GPC5: variants seen among roughly 807,000 people sequenced by gnomAD.
GPC5 encodes glypican 5.
In GPC5, 47 loss-of-function variants were observed where a neutral mutation model predicts 53.9. That is an observed-to-expected ratio of 0.87 (90% CI 0.69 to 1.11). The LOEUF (loss-of-function observed/expected upper bound fraction) is 1.11, where lower values mean the gene tolerates loss of function less well. GPC5 is among the 50% of genes most tolerant of loss of function. The probability of loss-of-function intolerance (pLI) is 0.00; values close to 1 mark genes in which losing one functional copy is unlikely to be tolerated. For synonymous variants in GPC5, 286 were observed against 263.3 expected (o/e 1.09, Z -0.84); for missense variants, 748 against 713.1 (o/e 1.05, Z -0.56).
At chr13:92,586,122 G>A (rs1249463163) in intron 7 of GPC5, among the ~76,000 whole-genome samples, 2 of 152,138 alleles carry the variant, frequency 1.3e-5, no homozygotes, top group Admixed American at 6.6e-5. Context: ...CTGTAGTGAC[G>A]GATTAGTCGT....
intron 6 of GPC5, among the ~76,000 whole-genome samples, chr13:92,059,265 C>A (rs988902965): frequency 1.3e-5 from 2 of 151,072 alleles, no homozygotes; most frequent in African/African-American, 2.5e-5. Flanking sequence ...AGGGTAATTA[C>A]CCATTATATA....
chr13:92,670,100 A>T (rs1886697313), intron 7 of GPC5, among the ~76,000 whole-genome samples: 1 of 152,078 alleles, frequency 6.6e-6, no homozygotes, highest in Non-Finnish European at 1.5e-5. Context: ...TATGGCTGGA[A>T]CTCACTGAAT....
intron 7 of GPC5, among the ~76,000 whole-genome samples, chr13:92,405,491 C>G (rs1048487684): frequency 1.3e-5 from 2 of 152,158 alleles, no homozygotes; most frequent in Non-Finnish European, 2.9e-5. Flanking sequence ...TGTATAGAAC[C>G]TATTTTTAAT....
intron 2 of GPC5, among the ~76,000 whole-genome samples, chr13:91,449,775 G>A (rs1478040622): frequency 1.3e-5 from 2 of 151,966 alleles, no homozygotes; most frequent in Non-Finnish European, 1.5e-5. Context: ...AATACATGAT[G>A]TTTTTCTTAT....
chr13:92,214,380 A>C (rs1201641073), intron 7 of GPC5, among the ~76,000 whole-genome samples: 2 of 152,278 alleles, frequency 1.3e-5, no homozygotes, highest in Non-Finnish European at 2.9e-5. Context: ...AACATTATTG[A>C]AGTGTCCACC....
chr13:91,907,849 A>C, intron 5 of GPC5, 88 bp from the exon 6 acceptor site: 1 of 1,387,138 alleles, frequency 7.2e-7, no homozygotes, highest in Non-Finnish European at 9.9e-7. Flanking sequence ...TAAAGGAGGA[A>C]ATTCCGACCT....
At chr13:92,349,572 G>T (rs958839028) in intron 7 of GPC5, among the ~76,000 whole-genome samples, 1 of 151,354 alleles carries the variant, frequency 6.6e-6, no homozygotes, top group Non-Finnish European at 1.5e-5. Context: ...AGAGACATTA[G>T]AACTGATACC....
chr13:92,713,250 G>C (rs1888203324), intron 7 of GPC5, among the ~76,000 whole-genome samples: 1 of 151,936 alleles, frequency 6.6e-6, no homozygotes, highest in Non-Finnish European at 1.5e-5. Flanking sequence ...AAAGACTGAA[G>C]GGACATTTCA....
At chr13:92,571,280 A>G (rs1883013957) in intron 7 of GPC5, among the ~76,000 whole-genome samples, 1 of 152,192 alleles carries the variant, frequency 6.6e-6, no homozygotes, top group Non-Finnish European at 1.5e-5. Flanking sequence ...ATCCTGAAGT[A>G]TAGAGAGACA....
intron 6 of GPC5, among the ~76,000 whole-genome samples, chr13:92,104,352 AT>A (rs1566436773): frequency 6.6e-6 from 1 of 152,160 alleles, no homozygotes; most frequent in Non-Finnish European, 1.5e-5. Flanking sequence ...TCAAATTGTA[AT>A]TCTTTTATTT....
intron 7 of GPC5, among the ~76,000 whole-genome samples, chr13:92,273,169 T>C (rs1863526784): frequency 6.6e-6 from 1 of 152,172 alleles, no homozygotes; most frequent in Non-Finnish European, 1.5e-5. Flanking sequence ...TAAAATAACA[T>C]TAAAATATCT....
rs1191244126 is a variant in GPC5, at chr13:91,870,560, T to C, written c.1281-37377T>C. Among the ~76,000 whole-genome samples the C allele has an allele frequency of 2.6e-5, 4 of 152,140 alleles. No homozygotes were observed. The South Asian group carries it at 8.3e-4, about 32-fold the overall frequency. On this transcript the variant is annotated intron_variant, in intron 5 of 7. Coordinates refer to ENST00000377067, the MANE Select transcript of GPC5 (RefSeq NM_004466.6). ...TACAGTGCAGTTCATTTCACCTGTA[T>C]TAACAGGGCACTTACCATGAGTAAA...
chr13:91,739,134 A>G (rs1952787037), intron 4 of GPC5, among the ~76,000 whole-genome samples: 1 of 151,590 alleles, frequency 6.6e-6, no homozygotes, highest in Non-Finnish European at 1.5e-5. Flanking sequence ...TGTCTAAGCC[A>G]TCGTTAAGTT....
chr13:92,582,899 A>G (rs1306241479), intron 7 of GPC5, among the ~76,000 whole-genome samples: 6 of 151,998 alleles, frequency 3.9e-5, no homozygotes, highest in African/African-American at 1.4e-4. Flanking sequence ...TGGAGGCTTT[A>G]TGATTTTCTG....
rs566125384 is a variant in GPC5 at position 92,585,247 on chromosome 13, A to G, written c.1562-281035A>G. Among the ~76,000 whole-genome samples, 25 of 152,288 alleles carry G rather than the reference A, an allele frequency of 1.6e-4. No individual in the cohort carries two copies. The East Asian group carries it at 4.3e-3, about 26-fold the overall frequency. On this transcript the variant is annotated intron_variant, in intron 7 of 7. Coordinates refer to ENST00000377067, the MANE Select transcript of GPC5 (RefSeq NM_004466.6). ...CATGGAAACACCCAAGATGGAGGCT[A>G]TACCCAGCAAAGCCACAGGGGTGGA...
chr13:91,971,340 A>T (rs532837360), intron 6 of GPC5, among the ~76,000 whole-genome samples: 1 of 151,522 alleles, frequency 6.6e-6, no homozygotes, highest in Non-Finnish European at 1.5e-5. Flanking sequence ...TATTGCATCT[A>T]TTTGATTCTT....
Position 91,589,893 on chromosome 13 carries a change from G to T in GPC5, c.326-103294G>T, listed in dbSNP as rs138377602. 3.3e-3 allele frequency among the ~76,000 whole-genome samples: 502 copies of T among 151,564 alleles called. 1 individual carries two copies. The highest frequency in any genetic ancestry group is 4.6e-3 in the Non-Finnish European group (314 of 67,826). ...CTTCCTTGCTAAATTTTTAACTATG[G>T]GTATCTTCTATGGAGAAATTATATT... On this transcript the variant is annotated intron_variant, in intron 2 of 7. Coordinates refer to ENST00000377067, the MANE Select transcript of GPC5 (RefSeq NM_004466.6).
chr13:92,602,224 TATATATAAC>T (rs1240114190), intron 7 of GPC5, among the ~76,000 whole-genome samples: 1 of 67,480 alleles, frequency 1.5e-5, no homozygotes, highest in Non-Finnish European at 2.9e-5. Flanking sequence ...TATATAAATA[TATATATAAC>T]ATATATATAT....
intron 2 of GPC5, among the ~76,000 whole-genome samples, chr13:91,618,911 C>T (rs1594339385): frequency 1.3e-5 from 2 of 151,904 alleles, no homozygotes; most frequent in African/African-American, 4.8e-5. Context: ...TGGTATATAG[C>T]AAAACAAACA....
Sources: allele counts gnomAD v4.1 joint callset (sites outside exome capture counted in the v4.1 genomes callset), GRCh38; gene constraint gnomAD v4.1.1; transcripts MANE v1.5; gene names NCBI Gene and HGNC (gene_info 2026-07-23, HGNC 2026-07-21).